CFAP206: variants seen among roughly 807,000 people sequenced by gnomAD.
The protein encoded by CFAP206 is cilia and flagella associated protein 206.
A neutral mutation model predicts 65.4 loss-of-function variants in CFAP206; 53 were observed. The ratio of observed to expected loss-of-function variants is 0.81; its 90% CI spans 0.65 to 1.02. The LOEUF (loss-of-function observed/expected upper bound fraction) is 1.02. CFAP206 is among the 50% of genes least tolerant of loss of function. The probability of loss-of-function intolerance (pLI) is 0.00; values close to 1 mark genes in which losing one functional copy is unlikely to be tolerated. For synonymous variants in CFAP206, 250 were observed against 254.4 expected, an observed-to-expected ratio of 0.98 and a Z score of 0.17; for missense variants, 663 against 753.2, an observed-to-expected ratio of 0.88 and a Z score of 1.40.
intron 11 of CFAP206, among the ~76,000 whole-genome samples, chr6:87,447,614 A>G (rs1376464078): frequency 1.3e-5 from 2 of 152,194 alleles, no homozygotes; most frequent in Non-Finnish European, 2.9e-5. Flanking sequence ...ATCAATGTTC[A>G]TCAGGGATAT....
chr6:87,447,657 T>C (rs1432021349), intron 11 of CFAP206, among the ~76,000 whole-genome samples: 3 of 152,150 alleles, frequency 2.0e-5, no homozygotes, highest in African/African-American at 7.2e-5. Flanking sequence ...GTTGTATCTC[T>C]GCCAGGTTTT....
intron 11 of CFAP206, chr6:87,444,746 C>A: frequency 2.3e-6 from 1 of 444,150 alleles, no homozygotes; most frequent in South Asian, 1.8e-5. Context: ...TGGTTTTGCT[C>A]ATACTTTCTC....
chr6:87,450,246 G>A (rs1350482486), intron 11 of CFAP206, among the ~76,000 whole-genome samples: 1 of 152,128 alleles, frequency 6.6e-6, no homozygotes. Flanking sequence ...AAGTCAGGTA[G>A]TGTGATGCCT....
chr6:87,441,952 T>C, intron 11 of CFAP206: 1 of 271,592 alleles, frequency 3.7e-6, no homozygotes, highest in South Asian at 4.7e-5. Context: ...CGTGCTACTG[T>C]CACTGAGTAC....
At chr6:87,424,647 G>A (rs908418504) in intron 7 of CFAP206, among the ~76,000 whole-genome samples, 3 of 152,098 alleles carry the variant, frequency 2.0e-5, no homozygotes, top group Non-Finnish European at 4.4e-5. Context: ...CAAATATATT[G>A]TTTTTCTTTC....
chr6:87,462,437 A>G (rs1768764436), intron 12 of CFAP206, among the ~76,000 whole-genome samples: 1 of 152,016 alleles, frequency 6.6e-6, no homozygotes, highest in African/African-American at 2.4e-5. Flanking sequence ...TATCTACTAA[A>G]CTCACTTGAG....
chr6:87,423,102 A>G (rs1767974789), intron 7 of CFAP206, among the ~76,000 whole-genome samples: 1 of 151,930 alleles, frequency 6.6e-6, no homozygotes, highest in South Asian at 2.1e-4. Flanking sequence ...TATTTTTAGT[A>G]GAGACGGGGT....
At position 87,438,372 on chromosome 6, in the gene CFAP206, A is replaced by G. The variant is rs1768309037; in HGVS notation, c.1494+3319A>G. Among the ~76,000 whole-genome samples the G allele has an allele frequency of 2.0e-5, 3 of 151,184 alleles. No individual in the cohort carries two copies. In the Admixed American group the frequency reaches 2.0e-4, roughly 10 times the overall value. ...GCTACTCGGGAGGCTGAGGCAGGAG[A>G]ATCGCTTGAACCAGGGAGTCAGAGG... On this transcript the variant is annotated intron_variant, in intron 11 of 12. Coordinates refer to ENST00000369562, the MANE Select transcript of CFAP206 (RefSeq NM_001031743.3).
At chr6:87,442,053 GA>G in intron 11 of CFAP206, 1 of 212,358 alleles carries the variant, frequency 4.7e-6, no homozygotes, top group Non-Finnish European at 1.0e-5. Context: ...TTGGAGTGGT[GA>G]AAAGACTTCC....
chr6:87,426,356 C>T (rs939382743), intron 7 of CFAP206, among the ~76,000 whole-genome samples, 170 bp from the exon 8 acceptor site: 9 of 152,176 alleles, frequency 5.9e-5, no homozygotes, highest in African/African-American at 2.2e-4. Flanking sequence ...TTGGGAGCCC[C>T]ATACATATGC....
chr6:87,460,889 T>C (rs1582154765), intron 11 of CFAP206, 133 bp from the exon 12 acceptor site: 5 of 619,240 alleles, frequency 8.1e-6, no homozygotes, highest in Non-Finnish European at 1.3e-5. Context: ...TCTTTATTGG[T>C]ATTTACAAGT....
chr6:87,438,460 C>CAAAA (rs757336468), intron 11 of CFAP206, among the ~76,000 whole-genome samples: 1,402 of 110,724 alleles, frequency 0.013, 43 homozygotes, highest in African/African-American at 0.023. Context: ...ACTCTTGTCT[C>CAAAA]AAAAAAAAAA....
At position 87,410,180 on chromosome 6, in the gene CFAP206, T is replaced by C. The variant is rs573077796; in HGVS notation, c.108+233T>C. ...ATGAGTTTTGGAAACATCAATAATG[T>C]TCTCCTGTGTGGGAATTTTTTGACG... On this transcript the variant is annotated intron_variant, in intron 2 of 12. Transcript: ENST00000369562. Among the ~76,000 whole-genome samples the C allele has an allele frequency of 6.2e-4, 94 of 152,364 alleles. 1 individual carries two copies. The highest frequency in any genetic ancestry group is 1.8e-4 in the Non-Finnish European group (12 of 68,038).
At chr6:87,429,939 A>G (rs1300060575) in intron 9 of CFAP206, among the ~76,000 whole-genome samples, 4 of 151,772 alleles carry the variant, frequency 2.6e-5, no homozygotes, top group Non-Finnish European at 5.9e-5. Context: ...GTAAGCAAAT[A>G]TTAAATGAAA....
chr6:87,426,829 C>T (rs1426951161), intron 8 of CFAP206, among the ~76,000 whole-genome samples, 184 bp downstream of exon 8: 1 of 152,188 alleles, frequency 6.6e-6, no homozygotes, highest in Non-Finnish European at 1.5e-5. Flanking sequence ...AGAATTCCCC[C>T]ACATAAGCAA....
chr6:87,430,265 G>A (rs1187191281), intron 9 of CFAP206, among the ~76,000 whole-genome samples: 1 of 152,182 alleles, frequency 6.6e-6, no homozygotes, highest in Non-Finnish European at 1.5e-5. Flanking sequence ...TGTGGTGCCT[G>A]CTTTTTGGGT....
intron 7 of CFAP206, among the ~76,000 whole-genome samples, chr6:87,421,725 C>T (rs920483469): frequency 2.0e-5 from 3 of 152,140 alleles, no homozygotes; most frequent in African/African-American, 7.2e-5. Context: ...GTAAGAGCTG[C>T]GTTTGACAGC....
At chr6:87,416,555 A>C in intron 5 of CFAP206, 114 bp from the exon 6 acceptor site, 1 of 880,244 alleles carries the variant, frequency 1.1e-6, no homozygotes, top group Non-Finnish European at 1.7e-6. Flanking sequence ...AATTTAAAGA[A>C]TCATATAAGT....
In CFAP206 at chr6:87,418,290, C is replaced by A. The variant is rs150688579; in HGVS notation, c.714C>A (p.Tyr238Ter). The A allele has an allele frequency of 2.4e-5, 39 of 1,614,146 alleles. No individual in the cohort carries two copies. Among genetic ancestry groups the A allele is most frequent in the Non-Finnish European group, 3.3e-5 (39 of 1,180,010 alleles). The change falls in exon 7 of 13, where the codon TAC becomes TAA. Residue 238 changes from tyrosine (Y) to a stop codon, truncating the protein, a stop_gained. Coordinates refer to ENST00000369562, the MANE Select transcript of CFAP206 (RefSeq NM_001031743.3). LOFTEE classifies it high-confidence loss of function. ...TTGAGACTGCCCGGAGCCAGGTATA[C>A]CGCTACACAGCCATCCTTGAGAAGG... ...YQLETARSQV[Y>*]RYTAILEKAA...
Sources: gnomAD v4.1 joint callset for allele counts (sites outside exome capture counted in the v4.1 genomes callset) on GRCh38, gnomAD v4.1.1 for gene constraint, MANE v1.5 for transcripts, NCBI Gene and HGNC (gene_info 2026-07-23, HGNC 2026-07-21) for gene names.